The following WDR49 variants were observed in gnomAD, a reference collection of about 807,000 sequenced individuals.
WDR49 encodes the protein WD repeat domain 49, also known as cilia- and flagella-associated protein 337.
Under a neutral mutation model 119.5 loss-of-function variants are expected in WDR49, and 107 were observed. The ratio of observed to expected loss-of-function variants is 0.90; its 90% confidence interval spans 0.77 to 1.05. The LOEUF (loss-of-function observed/expected upper bound fraction) is 1.05. WDR49 is among the 50% of genes least tolerant of loss of function. The pLI is 0.00. For missense variants in WDR49, 1,240 were observed against 1,220.5 expected, an observed-to-expected ratio of 1.02 and a Z score of -0.24; for synonymous variants, 425 against 418.8, an observed-to-expected ratio of 1.01 and a Z score of -0.18.
At chr3:167,552,349 C>G (rs62278307) in intron 10 of WDR49, among the ~76,000 whole-genome samples, 40,269 of 151,834 alleles carry the variant, frequency 0.27, 5,572 homozygotes, top group South Asian at 0.31. Flanking sequence ...GAGGACAAAG[C>G]ACAAGTTAGA....
At chr3:167,584,620 C>G (rs1310455558) in intron 7 of WDR49, among the ~76,000 whole-genome samples, 2 of 152,006 alleles carry the variant, frequency 1.3e-5, no homozygotes, top group Non-Finnish European at 2.9e-5. Flanking sequence ...AAAGCATATA[C>G]AAACAAATTC....
chr3:167,536,853 G>C lies in WDR49; in HGVS notation c.1954+17C>G. 3.4e-6 allele frequency: 5 copies of C among 1,478,108 alleles called. No homozygotes were observed. Among genetic ancestry groups the C allele is most frequent in the Non-Finnish European group, 4.5e-6 (5 of 1,111,330 alleles). 91.6% of individuals were successfully genotyped at this position (1,478,108 alleles called of 1,614,324 possible). A position where few individuals can be genotyped will look rare whatever the true frequency, so the allele number is the denominator to read the frequency against. On this transcript the variant is annotated intron_variant, in intron 11 of 18. Coordinates refer to ENST00000682715, the MANE Select transcript of WDR49 (RefSeq NM_001366157.1). ...ATCAAACTTCACCAATGATTGTCAA[G>C]TGAAAGTTCAATTTACCCGTAACAA... is the stretch of plus-strand genomic sequence containing the variant.
chr3:167,627,251 G>C lies in WDR49; in HGVS notation c.207C>G (p.Asp69Glu), dbSNP rs1219480476. ...CAATCTCTGTCATCTTCTGCGTGAA[G>C]TCTTCTCTGGACATACAAATGATTT... ...PRKIICMSRE[D>E]FTQKMTEIVG... The change falls in exon 3 of 19, where the codon GAC becomes GAG. Residue 69 changes from aspartate (D) to glutamate (E), a missense_variant. By Grantham distance (45) the Asp-to-Glu change is conservative. Transcript: ENST00000682715. 6 of 1,248,488 alleles carry C rather than the reference G, an allele frequency of 4.8e-6. No individual in the cohort carries two copies. Among genetic ancestry groups the C allele is most frequent in the African/African-American group, 3.1e-5 (2 of 64,738 alleles). 77.3% of individuals were successfully genotyped at this position (1,248,488 alleles called of 1,614,324 possible). A position where few individuals can be genotyped will look rare whatever the true frequency, so the allele number is the denominator to read the frequency against.
chr3:167,556,738 T>G (rs1052964921), intron 9 of WDR49, among the ~76,000 whole-genome samples: 2 of 151,802 alleles, frequency 1.3e-5, no homozygotes, highest in African/African-American at 4.8e-5. Flanking sequence ...TTACAAAAAT[T>G]AGGCAGGGCC....
At position 167,528,064 on chromosome 3, in the gene WDR49, T is replaced by C. The variant is rs373485971; in HGVS notation, c.2407-47A>G. 2.6e-5 allele frequency: 39 copies of C among 1,516,048 alleles called. No individual in the cohort carries two copies. The Middle Eastern group carries it at 5.4e-4, about 21-fold the overall frequency. 93.9% of individuals were successfully genotyped at this position (1,516,048 alleles called of 1,614,324 possible). ...AACTCTAAAAAATTCAAATATGAAA[T>C]GATTACAATGACATAACACTTTTAA... On this transcript the variant is annotated intron_variant, in intron 14 of 18. Coordinates refer to ENST00000682715, the MANE Select transcript of WDR49 (RefSeq NM_001366157.1).
rs377091150 is a variant in WDR49 at position 167,579,353 on chromosome 3, C to CA, written c.1276-3203dup. ...TATGCCCAAGAATACAACACTCCCA[C>CA]AAAAAAGTCTGCCTCACTTCCACAT... On this transcript the variant is annotated intron_variant, in intron 7 of 18. Transcript: ENST00000682715. Among the ~76,000 whole-genome samples the CA allele has an allele frequency of 3.2e-3, 485 of 152,254 alleles. 3 individuals are homozygous for CA. Among genetic ancestry groups the CA allele is most frequent in the African/African-American group, 0.011 (457 of 41,558 alleles).
At chr3:167,604,954 T>C (rs1052333135) in intron 5 of WDR49, among the ~76,000 whole-genome samples, 5 of 152,050 alleles carry the variant, frequency 3.3e-5, no homozygotes, top group African/African-American at 1.2e-4. Context: ...GCATCCCTCA[T>C]TAAGGAGTTA....
chr3:167,608,508 A>G (rs1375783228), intron 5 of WDR49, among the ~76,000 whole-genome samples: 3 of 152,172 alleles, frequency 2.0e-5, no homozygotes, highest in Admixed American at 1.3e-4. Context: ...GCAGTGCTAC[A>G]TATTGGAGGC....
At chr3:167,553,008 G>A (rs1456032643) in intron 10 of WDR49, among the ~76,000 whole-genome samples, 1 of 152,012 alleles carries the variant, frequency 6.6e-6, no homozygotes, top group African/African-American at 2.4e-5. Flanking sequence ...CTATTAAGGA[G>A]TTGGCTTAAC....
At chr3:167,557,309 T>G (rs1712992013) in intron 9 of WDR49, among the ~76,000 whole-genome samples, 1 of 152,150 alleles carries the variant, frequency 6.6e-6, no homozygotes, top group Non-Finnish European at 1.5e-5. Context: ...AAATTCAGCT[T>G]CTAGAAAATC....
chr3:167,653,456 A>C lies in WDR49; in HGVS notation c.-31T>G. On this transcript the variant is annotated 5_prime_UTR_variant, in exon 2 of 19. Coordinates refer to ENST00000682715, the MANE Select transcript of WDR49 (RefSeq NM_001366157.1). ...CTTCACCTTTTCTCAGTTGCCTTCA[A>C]CTATTTCTATAAGGATGGATCTTCT... 6.9e-7 allele frequency: 1 copy of C among 1,458,142 alleles called. No homozygotes were observed. 90.3% of individuals were successfully genotyped at this position (1,458,142 alleles called of 1,614,324 possible).
intron 9 of WDR49, 80 bp downstream of exon 9, chr3:167,559,984 A>G: frequency 1.4e-6 from 2 of 1,442,830 alleles, no homozygotes; most frequent in Non-Finnish European, 1.8e-6. Context: ...GCAAAAAATG[A>G]GAATATCTAT....
chr3:167,561,597 G>C (rs549836408), intron 8 of WDR49, among the ~76,000 whole-genome samples: 6 of 152,246 alleles, frequency 3.9e-5, no homozygotes, highest in Non-Finnish European at 7.4e-5. Context: ...GCTGGAGTGG[G>C]GGATTGGGTT....
At chr3:167,568,410 T>C (rs921767259) in intron 8 of WDR49, among the ~76,000 whole-genome samples, 1 of 152,188 alleles carries the variant, frequency 6.6e-6, no homozygotes, top group African/African-American at 2.4e-5. Context: ...ATGCCTTTCT[T>C]ATAGCAACCT....
upstream of WDR49, chr3:167,654,056 A>G (rs1021387933): frequency 3.3e-5 from 5 of 152,116 alleles, no homozygotes; most frequent in African/African-American, 1.2e-4. Context: ...CCCCTCTCCA[A>G]CTGAAAGTTT....
At chr3:167,575,545 C>A (rs1714202229) in intron 8 of WDR49, among the ~76,000 whole-genome samples, 1 of 152,208 alleles carries the variant, frequency 6.6e-6, no homozygotes, top group Admixed American at 6.5e-5. Flanking sequence ...ATGCATATTT[C>A]AGAACTTTCC....
intron 18 of WDR49, among the ~76,000 whole-genome samples, chr3:167,488,810 G>A (rs138712262): frequency 1.3e-5 from 2 of 152,004 alleles, no homozygotes; most frequent in East Asian, 3.9e-4. Flanking sequence ...CATGACCCCT[G>A]AGCCCCCTCT....
At chr3:167,548,234 C>G (rs1255888216) in intron 10 of WDR49, among the ~76,000 whole-genome samples, 1 of 151,874 alleles carries the variant, frequency 6.6e-6, no homozygotes, top group African/African-American at 2.4e-5. Flanking sequence ...CAGGATGACA[C>G]TAAGGGGGCA....
chr3:167,542,020 T>C (rs1711872804), intron 10 of WDR49, among the ~76,000 whole-genome samples: 1 of 151,146 alleles, frequency 6.6e-6, no homozygotes, highest in Non-Finnish European at 1.5e-5. Context: ...TGTGACCCCA[T>C]GTCAAAAAAA....
Sources: gnomAD v4.1 joint callset for allele counts (sites outside exome capture counted in the v4.1 genomes callset) on GRCh38, gnomAD v4.1.1 for gene constraint, MANE v1.5 for transcripts, NCBI Gene and HGNC (gene_info 2026-07-23, HGNC 2026-07-21) for gene names.